The following HSPA14 variants were observed in gnomAD, a reference collection of about 807,000 sequenced individuals.
The protein encoded by HSPA14 is heat shock 70 kDa protein 14.
A neutral mutation model predicts 65.5 loss-of-function variants in HSPA14; 37 were observed. That is an observed-to-expected ratio of 0.56 (90% confidence interval 0.43 to 0.74). HSPA14 has a LOEUF of 0.74. Ranked by LOEUF, HSPA14 falls within the 30% of genes least tolerant of loss-of-function variation. The pLI is 0.00. For missense variants in HSPA14, 564 were observed against 607.6 expected, an observed-to-expected ratio of 0.93 and a Z score of 0.75; for synonymous variants, 203 against 214.2, an observed-to-expected ratio of 0.95 and a Z score of 0.46.
chr10:14,855,976 G>GGT (rs1327351776), intron 10 of HSPA14, 33 bp downstream of exon 10: 2 of 1,221,870 alleles, frequency 1.6e-6, no homozygotes, highest in South Asian at 2.5e-5. Context: ...AACTATTTTA[G>GGT]GTGTAGTTTC....
rs188319348 is a variant in HSPA14 at position 14,863,071 on chromosome 10, C to T, written c.994-4012C>T. 1.2e-3 allele frequency among the ~76,000 whole-genome samples: 188 copies of T among 152,130 alleles called. 3 individuals carry two copies. In the East Asian group the frequency reaches 0.028, roughly 23 times the overall value. ...GGACACCAGTGAGATGATCTTATGA[C>T]GTTGTTTTTATGTATCTTAAAGCTA... On this transcript the variant is annotated intron_variant, in intron 10 of 13. Coordinates refer to ENST00000378372, the MANE Select transcript of HSPA14 (RefSeq NM_016299.4).
chr10:14,842,401 T>A lies in HSPA14; in HGVS notation c.221+2244T>A. Reference sequence around the variant, plus strand: ...AGCGCCTCCAGACTGTGCATCACAATGCAGATGTCTATCAGGCTGTGTCTA... The same window carrying A: ...AGCGCCTCCAGACTGTGCATCACAAAGCAGATGTCTATCAGGCTGTGTCTA... On this transcript the variant is annotated intron_variant, in intron 3 of 13. Coordinates refer to ENST00000378372, the MANE Select transcript of HSPA14 (RefSeq NM_016299.4). The surrounding 1 kb of genome is among the most constrained non-coding windows in gnomAD (Gnocchi z 5.2). The A allele has an allele frequency of 6.5e-7, 1 of 1,536,178 alleles. No individual in the cohort carries two copies.
At chr10:14,839,571 C>CAA (rs755617483) in intron 1 of HSPA14, among the ~76,000 whole-genome samples, 64 of 79,776 alleles carry the variant, frequency 8.0e-4, no homozygotes, top group African/African-American at 2.2e-3. Flanking sequence ...ACTCCGTGTC[C>CAA]AAAAAAAAAA....
rs111557124 is a variant in HSPA14, at chr10:14,851,575, G to A, written c.572+252G>A. 6.2e-3 allele frequency among the ~76,000 whole-genome samples: 937 copies of A among 152,288 alleles called. 12 individuals are homozygous for A. Among genetic ancestry groups the A allele is most frequent in the African/African-American group, 0.021 (861 of 41,564 alleles). On this transcript the variant is annotated intron_variant, in intron 7 of 13. Coordinates refer to ENST00000378372, the MANE Select transcript of HSPA14 (RefSeq NM_016299.4). ...CCCTTTTTTGAGGGAAGATTTGAAAGTTCGAGGCCTGGCCAGTTTCCAACT... is the reference window on the plus strand; with the variant it reads ...CCCTTTTTTGAGGGAAGATTTGAAAATTCGAGGCCTGGCCAGTTTCCAACT...
chr10:14,859,892 T>C (rs1341468267), intron 10 of HSPA14, among the ~76,000 whole-genome samples: 2 of 152,114 alleles, frequency 1.3e-5, no homozygotes, highest in African/African-American at 4.8e-5. Flanking sequence ...GCTTTAGAAT[T>C]ATTTTTTTCA....
chr10:14,870,158 A>G (rs1259854829), intron 12 of HSPA14, among the ~76,000 whole-genome samples: 1 of 152,074 alleles, frequency 6.6e-6, no homozygotes, highest in Non-Finnish European at 1.5e-5. Context: ...AGAGTTTGCC[A>G]TGTTTTTAAG....
intron 7 of HSPA14, among the ~76,000 whole-genome samples, 164 bp downstream of exon 7, chr10:14,851,487 C>T (rs1834108278): frequency 6.6e-6 from 1 of 152,150 alleles, no homozygotes; most frequent in Non-Finnish European, 1.5e-5. Context: ...AGAAAGATGT[C>T]CTAGGAAAGC....
chr10:14,855,827 G>T lies in HSPA14; in HGVS notation c.891-14G>T. 1 of 1,344,150 alleles carries T rather than the reference G, an allele frequency of 7.4e-7. No individual in the cohort carries two copies. Among genetic ancestry groups the T allele is most frequent in the Non-Finnish European group, 1.1e-6 (1 of 937,460 alleles). The allele number at this position is 1,344,150 out of a possible 1,614,324, so 83.3% of individuals were successfully genotyped here. On this transcript the variant is annotated splice_polypyrimidine_tract_variant and intron_variant, in intron 9 of 13. Transcript: ENST00000378372. ...TGTGTCTGTGTGTTTCTGTGTGTGT[G>T]TATGTGTGTACAGAGCAAGATTTGA... is the stretch of plus-strand genomic sequence containing the variant.
At chr10:14,859,296 T>C (rs1388014657) in intron 10 of HSPA14, among the ~76,000 whole-genome samples, 1 of 152,146 alleles carries the variant, frequency 6.6e-6, no homozygotes, top group African/African-American at 2.4e-5. Flanking sequence ...TTTCCAGCCC[T>C]TGTGTTTTCA....
At chr10:14,854,893 T>G (rs575293548) in intron 9 of HSPA14, among the ~76,000 whole-genome samples, 2 of 152,320 alleles carry the variant, frequency 1.3e-5, no homozygotes, top group South Asian at 4.1e-4. Context: ...TAGCTGCAGT[T>G]CAAATGTTCA....
intron 3 of HSPA14, chr10:14,844,505 G>T: frequency 1.0e-6 from 1 of 986,256 alleles, no homozygotes; most frequent in Non-Finnish European, 1.2e-6. Flanking sequence ...AGCACAACCT[G>T]TATTTGTACC....
rs531703055 is a variant in HSPA14 at position 14,843,267 on chromosome 10, C to T, written c.221+3110C>T. On this transcript the variant is annotated intron_variant, in intron 3 of 13. Coordinates refer to ENST00000378372, the MANE Select transcript of HSPA14 (RefSeq NM_016299.4). ...CAGTCCCTGGTGGAAAGAGGCTTTCCAGGAACAACCATAGTTTTATAATTT... is the reference window on the plus strand; with the variant it reads ...CAGTCCCTGGTGGAAAGAGGCTTTCTAGGAACAACCATAGTTTTATAATTT... 7.1e-6 allele frequency: 10 copies of T among 1,413,074 alleles called. No individual in the cohort carries two copies. In the South Asian group the frequency reaches 1.0e-4, roughly 14 times the overall value. 87.5% of individuals were successfully genotyped at this position (1,413,074 alleles called of 1,614,324 possible).
At chr10:14,843,313 T>A in intron 3 of HSPA14, 2 of 1,544,160 alleles carry the variant, frequency 1.3e-6, no homozygotes, top group African/African-American at 2.7e-5. Flanking sequence ...TGCTGCTGGC[T>A]CCAAGCATTC....
chr10:14,848,855 C>A lies in HSPA14; in HGVS notation c.336C>A (p.Asn112Lys), dbSNP rs745337056. 3.8e-6 allele frequency: 6 copies of A among 1,590,006 alleles called. No homozygotes were observed. ...IDTGEETKFV[N>K]PEDVARLIFS... is the part of the protein sequence containing the mutation. ...CTGGAGAAGAAACAAAATTTGTTAA[C>A]CCAGAAGATGTTGCCAGACTGATAT... Residue 112 changes from asparagine to lysine, a missense_variant, in exon 5 of 14, where the codon AAC becomes AAA. Asn to Lys is a moderately conservative substitution (Grantham distance 94). Coordinates refer to ENST00000378372, the MANE Select transcript of HSPA14 (RefSeq NM_016299.4).
Position 14,857,917 on chromosome 10 carries a change from CACTT to C in HSPA14, c.993+1977_993+1980del, listed in dbSNP as rs144123580. On this transcript the variant is annotated intron_variant, in intron 10 of 13. Transcript: ENST00000378372. ...GTATATATTTTGTTTTTTTTTTTAACACTTACAGTGTGGCAGGCATTTTGCTAGG... is the reference window on the plus strand; with the variant it reads ...GTATATATTTTGTTTTTTTTTTTAACACAGTGTGGCAGGCATTTTGCTAGG... Among the ~76,000 whole-genome samples the C allele has an allele frequency of 6.0e-3, 898 of 150,100 alleles. 11 individuals are homozygous for C. The highest frequency in any genetic ancestry group is 0.02 in the African/African-American group (818 of 40,682).
At chr10:14,864,666 ATGGC>A (rs1460110384) in intron 10 of HSPA14, among the ~76,000 whole-genome samples, 2 of 152,268 alleles carry the variant, frequency 1.3e-5, no homozygotes, top group East Asian at 3.9e-4. Flanking sequence ...GTCATTTTTT[ATGGC>A]TGCATAGTAT....
At chr10:14,838,604 G>T in intron 1 of HSPA14, 145 bp downstream of exon 1, 1 of 743,904 alleles carries the variant, frequency 1.3e-6, no homozygotes, top group East Asian at 3.1e-5. Flanking sequence ...CGGAGCGAAG[G>T]GCCGGGCAGG....
At chr10:14,849,944 G>T in intron 6 of HSPA14, 133 bp downstream of exon 6, 2 of 610,792 alleles carry the variant, frequency 3.3e-6, no homozygotes, top group Admixed American at 3.2e-5. Context: ...GTAAGGTAAT[G>T]ATCATTTTTA....
At chr10:14,854,468 T>G (rs1681452263) in intron 9 of HSPA14, among the ~76,000 whole-genome samples, 188 bp downstream of exon 9, 1 of 152,226 alleles carries the variant, frequency 6.6e-6, no homozygotes, top group African/African-American at 2.4e-5. Flanking sequence ...ACATAAGTTG[T>G]GATTGCTTGC....
Sources: gnomAD v4.1 joint callset for allele counts (sites outside exome capture counted in the v4.1 genomes callset) on GRCh38, gnomAD v4.1.1 for gene constraint, Gnocchi (gnomAD v3.1) non-coding constraint, MANE v1.5 for transcripts, NCBI Gene and HGNC (gene_info 2026-07-23, HGNC 2026-07-21) for gene names.